FAM47E: variants seen among roughly 807,000 people sequenced by gnomAD.
FAM47E encodes protein FAM47E.
A neutral mutation model predicts 41.6 loss-of-function variants in FAM47E; 32 were observed. The ratio of observed to expected loss-of-function variants is 0.77; its 90% CI spans 0.58 to 1.03. The LOEUF (loss-of-function observed/expected upper bound fraction) is 1.03. Among genes scored for constraint, FAM47E ranks in the 50% least tolerant of loss-of-function variants. The pLI, the probability that FAM47E is intolerant of heterozygous loss-of-function variation, is 0.00. For synonymous variants in FAM47E, 184 were observed against 188.7 expected (o/e 0.98, Z 0.20); for missense variants, 424 against 485.4 (o/e 0.87, Z 1.19).
chr4:76,254,314 AT>A (rs1298241004), intron 1 of FAM47E, among the ~76,000 whole-genome samples: 1 of 152,146 alleles, frequency 6.6e-6, no homozygotes, highest in Non-Finnish European at 1.5e-5. Flanking sequence ...AAGTGCTTGG[AT>A]GCATGAGTTA....
chr4:76,264,792 C>T lies in FAM47E; in HGVS notation c.560+949C>T, dbSNP rs192875398. Among the ~76,000 whole-genome samples the T allele has an allele frequency of 2.7e-4, 41 of 152,284 alleles. 1 individual carries two copies. Among genetic ancestry groups the T allele is most frequent in the South Asian group, 2.5e-3 (12 of 4,828 alleles). ...TGTACTTTTGGTAGAGGCAAAGTTTCGCCATGTTGGCCAGCCTAGTCTTGA... is the reference window on the plus strand; with the variant it reads ...TGTACTTTTGGTAGAGGCAAAGTTTTGCCATGTTGGCCAGCCTAGTCTTGA... On this transcript the variant is annotated intron_variant, in intron 3 of 7. Coordinates refer to ENST00000424749, the MANE Select transcript of FAM47E (RefSeq NM_001136570.3).
At position 76,283,385 on chromosome 4, in the gene FAM47E, T is replaced by G. The variant is rs1202864093; in HGVS notation, c.1109T>G (p.Leu370Arg). Residue 370 changes from leucine to arginine, a missense_variant, in exon 8 of 8, where the codon CTT (leucine) becomes CGT (arginine). Coordinates refer to ENST00000424749, the MANE Select transcript of FAM47E (RefSeq NM_001136570.3). ...LSRGYRTPRF[L>R]ENMYIGKECK... ...GGTTCTCTCATTTTTTTTTAGTTCCTTGAGAATATGTATATCGGGAAGGAA... is the reference window on the plus strand; with the variant it reads ...GGTTCTCTCATTTTTTTTTAGTTCCGTGAGAATATGTATATCGGGAAGGAA... The G allele has an allele frequency of 6.5e-7, 1 of 1,542,406 alleles. No individual in the cohort carries two copies. Among genetic ancestry groups the G allele is most frequent in the Non-Finnish European group, 8.8e-7 (1 of 1,138,960 alleles).
intron 4 of FAM47E, 175 bp downstream of exon 4, chr4:76,268,943 G>T: frequency 1.4e-6 from 1 of 731,478 alleles, no homozygotes; most frequent in South Asian, 3.0e-5. Flanking sequence ...CTTCTATTAT[G>T]TATAAATAGA....
At chr4:76,217,694 G>A (rs1733234561) in intron 2 of FAM47E, 1 of 598,424 alleles carries the variant, frequency 1.7e-6, no homozygotes. Context: ...CTCAGGTATT[G>A]TTATAGCAAC....
intron 2 of FAM47E, among the ~76,000 whole-genome samples, chr4:76,260,183 C>T (rs886666584): frequency 2.6e-5 from 4 of 152,078 alleles, no homozygotes; most frequent in Admixed American, 6.6e-5. Flanking sequence ...AAATTACCAA[C>T]ATAATTTTTC....
intron 2 of FAM47E, among the ~76,000 whole-genome samples, chr4:76,244,077 CT>C (rs1235570419): frequency 2.0e-5 from 3 of 152,146 alleles, no homozygotes; most frequent in East Asian, 1.9e-4. Flanking sequence ...TGAATTCATC[CT>C]TTTTTATGGC....
intron 2 of FAM47E, among the ~76,000 whole-genome samples, chr4:76,219,227 G>C (rs1237797645): frequency 3.3e-5 from 5 of 152,208 alleles, no homozygotes; most frequent in Non-Finnish European, 5.9e-5. Flanking sequence ...GCACAGGTTG[G>C]AATTAGTGTG....
chr4:76,259,376 A>G (rs1734312299), intron 2 of FAM47E, among the ~76,000 whole-genome samples: 1 of 152,342 alleles, frequency 6.6e-6, no homozygotes, highest in Admixed American at 6.5e-5. Context: ...ATTTACCACT[A>G]AATCTAACAT....
intron 1 of FAM47E, among the ~76,000 whole-genome samples, chr4:76,252,802 C>T (rs530450710): frequency 6.6e-6 from 1 of 152,152 alleles, no homozygotes; most frequent in South Asian, 2.1e-4. Flanking sequence ...TGTACCCTTC[C>T]CCTAGCTGCT....
chr4:76,231,625 A>G (rs1733494914), intron 2 of FAM47E, among the ~76,000 whole-genome samples: 1 of 152,236 alleles, frequency 6.6e-6, no homozygotes, highest in Admixed American at 6.5e-5. Context: ...AAGTACAGCA[A>G]GAATTATTAT....
intron 2 of FAM47E, among the ~76,000 whole-genome samples, chr4:76,240,196 T>G (rs1221605872): frequency 6.6e-6 from 1 of 152,222 alleles, no homozygotes; most frequent in African/African-American, 2.4e-5. Flanking sequence ...GTTGATAGTT[T>G]CTTTCTTTTA....
At chr4:76,275,862 A>G (rs1441915) in intron 5 of FAM47E, among the ~76,000 whole-genome samples, 152,155 of 152,262 alleles carry the variant, frequency 1, 76,024 homozygotes, top group Middle Eastern at 1. Context: ...TCAGTGGTTC[A>G]CATCTGAGGG....
rs76357627 is a variant in FAM47E at position 76,217,545 on chromosome 4, C to T, written c.-29-34C>T. 5.8e-4 allele frequency: 263 copies of T among 454,294 alleles called. No homozygotes were observed. In the East Asian group the frequency reaches 8.6e-3, roughly 15 times the overall value. The allele number at this position is 454,294 out of a possible 1,614,324, so 28.1% of individuals were successfully genotyped here. A position where few individuals can be genotyped will look rare whatever the true frequency, so the allele number is the denominator to read the frequency against. ...TCTAGCTTCCTCTCTGCCCATGTGC[C>T]TCACACAGGTGTGCTCCCTTTCTGC... On this transcript the variant is annotated intron_variant, in intron 1 of 7. Transcript: ENST00000510197.
chr4:76,241,008 A>C (rs1733699385), intron 2 of FAM47E, among the ~76,000 whole-genome samples: 1 of 151,934 alleles, frequency 6.6e-6, no homozygotes, highest in Non-Finnish European at 1.5e-5. Context: ...GTTGTTGAAA[A>C]CTAGACTTTT....
At chr4:76,219,754 A>G (rs960250255) in intron 2 of FAM47E, among the ~76,000 whole-genome samples, 1 of 152,012 alleles carries the variant, frequency 6.6e-6, no homozygotes, top group African/African-American at 2.4e-5. Context: ...GGGCTTAGAT[A>G]TTAGACTATG....
intron 2 of FAM47E, chr4:76,217,815 A>C: frequency 2.5e-6 from 1 of 403,218 alleles, no homozygotes; most frequent in East Asian, 3.5e-5. Flanking sequence ...AAGTACACTT[A>C]ATGAATGATT....
At chr4:76,249,373 A>G (rs937782436), upstream of FAM47E, among the ~76,000 whole-genome samples, 1 of 152,306 alleles carries the variant, frequency 6.6e-6, no homozygotes, top group East Asian at 1.9e-4. Flanking sequence ...ATTTGCCAAC[A>G]TATTATTTTG....
chr4:76,214,163 A>C (rs1733150478), exon 1 of FAM47E: 2 of 451,106 alleles, frequency 4.4e-6, no homozygotes, highest in Non-Finnish European at 8.9e-6. Flanking sequence ...TGGGGATTCA[A>C]GGTGGCTGGG....
chr4:76,234,729 GTGACACCTTTATCTCTA>G (rs1032362286), intron 2 of FAM47E, among the ~76,000 whole-genome samples: 4 of 152,278 alleles, frequency 2.6e-5, no homozygotes, highest in African/African-American at 9.6e-5. Flanking sequence ...GGGCAATATA[GTGACACCTTTATCTCTA>G]TGGAAGGAAA....
Sources: gnomAD v4.1 joint callset for allele counts (sites outside exome capture counted in the v4.1 genomes callset) on GRCh38, gnomAD v4.1.1 for gene constraint, MANE v1.5 for transcripts, NCBI Gene and HGNC (gene_info 2026-07-23, HGNC 2026-07-21) for gene names.